ITFG1: variants seen among roughly 807,000 people sequenced by gnomAD.
The protein encoded by ITFG1 is T-cell immunomodulatory protein.
Under a neutral mutation model 81.8 loss-of-function variants are expected in ITFG1, and 34 were observed. The observed-to-expected ratio is 0.42, with a 90% CI of 0.32 to 0.55. ITFG1 has a LOEUF of 0.55. ITFG1 is among the 20% of genes least tolerant of loss of function. The pLI is 0.17. For missense variants in ITFG1, 672 were observed against 755.4 expected, an observed-to-expected ratio of 0.89 and a Z score of 1.29; for synonymous variants, 285 against 270.6, an observed-to-expected ratio of 1.05 and a Z score of -0.52.
chr16:47,217,364 T>G (rs964061909), intron 14 of ITFG1, among the ~76,000 whole-genome samples: 4 of 152,202 alleles, frequency 2.6e-5, no homozygotes, highest in Admixed American at 2.0e-4. Context: ...GTTTTGAGTA[T>G]GCTGGCTCTG....
intron 8 of ITFG1, among the ~76,000 whole-genome samples, chr16:47,356,759 C>T (rs1160010719): frequency 6.6e-6 from 1 of 152,150 alleles, no homozygotes; most frequent in Non-Finnish European, 1.5e-5. Context: ...GGCATTTACA[C>T]AGAGTGAAAA....
chr16:47,171,580 TTAGTC>T (rs1168354105), intron 14 of ITFG1, among the ~76,000 whole-genome samples: 2 of 152,210 alleles, frequency 1.3e-5, no homozygotes, highest in Non-Finnish European at 2.9e-5. Flanking sequence ...GGCTTTGAGT[TTAGTC>T]TGGTCTTCTT....
chr16:47,389,249 T>A (rs1354564258), intron 6 of ITFG1, among the ~76,000 whole-genome samples: 2 of 152,086 alleles, frequency 1.3e-5, no homozygotes. Flanking sequence ...GAAAAAATGG[T>A]GCAATTAGTA....
chr16:47,283,498 C>T (rs1219348990), intron 10 of ITFG1, among the ~76,000 whole-genome samples: 2 of 152,098 alleles, frequency 1.3e-5, no homozygotes, highest in Non-Finnish European at 2.9e-5. Context: ...TGTCTCTGTC[C>T]ATTCTATTGG....
chr16:47,237,411 TACAC>T, intron 13 of ITFG1, among the ~76,000 whole-genome samples: 1 of 152,284 alleles, frequency 6.6e-6, no homozygotes, highest in Non-Finnish European at 1.5e-5. Context: ...CAGTTCCCTG[TACAC>T]ACACACAAAC....
chr16:47,252,496 T>C (rs1966088440), intron 12 of ITFG1, among the ~76,000 whole-genome samples: 1 of 152,228 alleles, frequency 6.6e-6, no homozygotes, highest in African/African-American at 2.4e-5. Context: ...AGTTAAGTTC[T>C]AGACTAGAAT....
At chr16:47,186,609 T>C (rs888667960) in intron 14 of ITFG1, among the ~76,000 whole-genome samples, 37 of 152,112 alleles carry the variant, frequency 2.4e-4, no homozygotes, top group Admixed American at 1.4e-3. Flanking sequence ...TGGGACATAT[T>C]TCAAAATAAT....
chr16:47,222,766 G>A (rs188848565), intron 13 of ITFG1, among the ~76,000 whole-genome samples: 3 of 152,316 alleles, frequency 2.0e-5, no homozygotes, highest in Non-Finnish European at 2.9e-5. Flanking sequence ...TGGTCTGAGA[G>A]ATAAGTTTGT....
At chr16:47,271,243 GTAT>G (rs1966336527) in intron 10 of ITFG1, among the ~76,000 whole-genome samples, 1 of 152,020 alleles carries the variant, frequency 6.6e-6, no homozygotes, top group Non-Finnish European at 1.5e-5. Context: ...TATCTAGAAT[GTAT>G]TAAAGAAATT....
intron 8 of ITFG1, among the ~76,000 whole-genome samples, chr16:47,345,147 C>G (rs190398002): frequency 1.3e-5 from 2 of 152,078 alleles, no homozygotes; most frequent in Non-Finnish European, 2.9e-5. Flanking sequence ...AAGGAACTGG[C>G]AAGTCATCTA....
intron 14 of ITFG1, among the ~76,000 whole-genome samples, chr16:47,175,599 C>T (rs901774065): frequency 6.6e-6 from 1 of 152,170 alleles, no homozygotes; most frequent in Non-Finnish European, 1.5e-5. Context: ...AAAAGGACTT[C>T]TAATGACAAG....
chr16:47,426,491 C>A (rs969114117), intron 6 of ITFG1: 1 of 148,574 alleles, frequency 6.7e-6, no homozygotes, highest in African/African-American at 2.5e-5. Flanking sequence ...GTAGTCAACA[C>A]CTTATTATTG....
At chr16:47,331,891 A>G (rs1056192402) in intron 8 of ITFG1, among the ~76,000 whole-genome samples, 1 of 152,194 alleles carries the variant, frequency 6.6e-6, no homozygotes, top group Non-Finnish European at 1.5e-5. Flanking sequence ...AGCTGTAATT[A>G]TAATTTCCAC....
At chr16:47,237,820 G>T (rs1965893502) in intron 13 of ITFG1, 145 bp downstream of exon 13, 3 of 543,332 alleles carry the variant, frequency 5.5e-6, no homozygotes, top group Admixed American at 3.8e-5. Flanking sequence ...TTTACTTTCA[G>T]CACAGTTTTC....
In ITFG1 at chr16:47,154,637, C is replaced by T. The variant is rs1964675771; in HGVS notation, c.*1082G>A. On this transcript the variant is annotated 3_prime_UTR_variant, in exon 18 of 18. Coordinates refer to ENST00000320640, the MANE Select transcript of ITFG1 (RefSeq NM_030790.5). Reference sequence around the variant, plus strand: ...TTTTGGAAATGTGAAGTTCACAATACAAAATTTGCATTGAAGTCTGAATGT... The same window carrying T: ...TTTTGGAAATGTGAAGTTCACAATATAAAATTTGCATTGAAGTCTGAATGT... The T allele has an allele frequency of 1.3e-5, 2 of 151,890 alleles. No homozygotes were observed. The highest frequency in any genetic ancestry group is 4.2e-4 in the South Asian group (2 of 4,812). The allele number at this position is 151,890 out of a possible 1,614,324, so 9.4% of individuals were successfully genotyped here.
At chr16:47,357,167 GTTATA>G (rs1481521483) in intron 8 of ITFG1, among the ~76,000 whole-genome samples, 2 of 151,894 alleles carry the variant, frequency 1.3e-5, no homozygotes, top group Non-Finnish European at 2.9e-5. Context: ...TAATTTGTGG[GTTATA>G]TTAGAAAGTA....
chr16:47,222,405 GTTTC>G (rs1201106876), intron 13 of ITFG1, among the ~76,000 whole-genome samples: 2 of 147,456 alleles, frequency 1.4e-5, no homozygotes, highest in Non-Finnish European at 1.5e-5. Context: ...TTTTGAGTGA[GTTTC>G]TTTCTTTTTT....
At chr16:47,396,248 G>T in intron 6 of ITFG1, 1 of 750,346 alleles carries the variant, frequency 1.3e-6, no homozygotes, top group Non-Finnish European at 1.6e-6. Context: ...AGGTACAGCT[G>T]TTAGCTGTTG....
At chr16:47,168,605 C>G (rs1001426441) in intron 14 of ITFG1, among the ~76,000 whole-genome samples, 1 of 134,482 alleles carries the variant, frequency 7.4e-6, no homozygotes, top group Admixed American at 8.3e-5. Flanking sequence ...CCATGCTGGT[C>G]TCAAATTCCT....
Sources: gnomAD v4.1 joint callset for allele counts (sites outside exome capture counted in the v4.1 genomes callset) on GRCh38, gnomAD v4.1.1 for gene constraint, MANE v1.5 for transcripts, NCBI Gene and HGNC (gene_info 2026-07-23, HGNC 2026-07-21) for gene names.